C12orf54: variants seen among roughly 807,000 people sequenced by gnomAD.
The protein encoded by C12orf54 is chromosome 12 open reading frame 54.
A neutral mutation model predicts 26.4 loss-of-function variants in C12orf54; 24 were observed. That is an observed-to-expected ratio of 0.91 (90% CI 0.66 to 1.28). C12orf54 has a LOEUF of 1.28. Ranked by LOEUF, C12orf54 falls within the 50% of genes most tolerant of loss-of-function variation. The pLI is 0.00. For missense variants in C12orf54, 154 were observed against 150.9 expected (o/e 1.02, Z -0.11); for synonymous variants, 54 against 47.0 (o/e 1.15, Z -0.61).
At chr12:48,475,058 G>A in the C12orf54 span, among the ~76,000 whole-genome samples, 1 of 152,178 alleles carries the variant, frequency 6.6e-6, no homozygotes, top group Admixed American at 6.6e-5. Context: ...ACTTCCAGAG[G>A]AACAATCAGG....
At chr12:48,455,982 G>A in the C12orf54 span, among the ~76,000 whole-genome samples, 4 of 152,240 alleles carry the variant, frequency 2.6e-5, no homozygotes, top group Non-Finnish European at 4.4e-5. Flanking sequence ...TGTGCCATAC[G>A]CTATTTTAAG....
At chr12:48,428,109 A>T in the C12orf54 span, among the ~76,000 whole-genome samples, 196 of 152,216 alleles carry the variant, frequency 1.3e-3, 1 homozygote, top group African/African-American at 4.5e-3. Flanking sequence ...AAATTTAAAA[A>T]TTCTTCGAAC....
chr12:48,491,107 C>G (rs1276689743), intron 6 of C12orf54, among the ~76,000 whole-genome samples: 3 of 152,208 alleles, frequency 2.0e-5, no homozygotes, highest in Non-Finnish European at 4.4e-5. Flanking sequence ...AGCTCAATTG[C>G]CTCGTGTCTG....
chr12:48,490,982 C>A, intron 6 of C12orf54, 146 bp downstream of exon 6: 2 of 978,534 alleles, frequency 2.0e-6, no homozygotes, highest in Non-Finnish European at 3.1e-6. Context: ...ACCCTAGGAT[C>A]TTCCATTTAG....
Position 48,488,946 on chromosome 12 carries a change from T to C in C12orf54, c.158T>C (p.Ile53Thr). The C allele has an allele frequency of 6.2e-7, 1 of 1,611,298 alleles. No individual in the cohort carries two copies. Among genetic ancestry groups the C allele is most frequent in the East Asian group, 2.2e-5 (1 of 44,844 alleles). Residue 53 changes from isoleucine to threonine, a missense_variant, in exon 5 of 9, where the codon ATA (isoleucine) becomes ACA (threonine). By Grantham distance (89) the Ile-to-Thr change is moderately conservative (BLOSUM62 -1). Coordinates refer to ENST00000548364, the MANE Select transcript of C12orf54 (RefSeq NM_152319.4). ...CAGGTGCTGACAGTTTTTAAGGATA[T>C]ACAAAAGGAGGTGAGATTAGATTTT... ...WDQVLTVFKD[I>T]QKELQEDARI...
chr12:48,492,213 T>A, intron 6 of C12orf54, among the ~76,000 whole-genome samples: 1 of 152,132 alleles, frequency 6.6e-6, no homozygotes, highest in Non-Finnish European at 1.5e-5. Flanking sequence ...GGTACAAATC[T>A]TCTTGGGGAT....
the C12orf54 span, chr12:48,472,582 G>T: frequency 6.5e-7 from 1 of 1,539,578 alleles, no homozygotes; most frequent in Middle Eastern, 1.7e-4. Context: ...AGCTGGTTGA[G>T]CTTTCAAATG....
chr12:48,473,620 C>G, the C12orf54 span: 2 of 260,492 alleles, frequency 7.7e-6, no homozygotes, highest in South Asian at 9.4e-5. Context: ...TACTGCCACT[C>G]TTTATTTTTT....
chr12:48,448,965 G>A, the C12orf54 span, among the ~76,000 whole-genome samples: 1 of 152,172 alleles, frequency 6.6e-6, no homozygotes, highest in East Asian at 1.9e-4. Flanking sequence ...GTCCAGAAAG[G>A]TAGAACAACT....
At chr12:48,414,600 A>C in the C12orf54 span, among the ~76,000 whole-genome samples, 8 of 151,916 alleles carry the variant, frequency 5.3e-5, no homozygotes, top group East Asian at 7.7e-4. Context: ...GACTTTCTTC[A>C]TTTTTTCTAG....
rs762482326 is a variant in C12orf54 at position 48,486,163 on chromosome 12, ATTCT to A, written c.66-8_66-5del. 5 of 1,606,594 alleles carry A rather than the reference ATTCT, an allele frequency of 3.1e-6. No homozygotes were observed. In the African/African-American group the frequency reaches 6.7e-5, roughly 21 times the overall value. The stretch of plus-strand genomic sequence containing the variant: ...CTGTGCTCCTCATCAGGTTTATATC[ATTCT>A]TTCTTTGCAGCACATCCATAGAAGA... On this transcript the variant is annotated splice_polypyrimidine_tract_variant and intron_variant, in intron 2 of 8. Coordinates refer to ENST00000548364, the MANE Select transcript of C12orf54 (RefSeq NM_152319.4).
chr12:48,430,666 G>A, the C12orf54 span, among the ~76,000 whole-genome samples: 4 of 152,108 alleles, frequency 2.6e-5, no homozygotes, highest in Non-Finnish European at 4.4e-5. Flanking sequence ...TGGCGTGAAC[G>A]TGGTGATCAG....
chr12:48,473,408 T>A, the C12orf54 span: 1 of 760,706 alleles, frequency 1.3e-6, no homozygotes, highest in Admixed American at 2.2e-5. Context: ...GAGAAGACGA[T>A]GCCTAAGTGG....
At chr12:48,436,448 C>G in the C12orf54 span, among the ~76,000 whole-genome samples, 42 of 152,246 alleles carry the variant, frequency 2.8e-4, no homozygotes, top group East Asian at 7.9e-3. Context: ...CAAATCAACA[C>G]AATATACATT....
the C12orf54 span, among the ~76,000 whole-genome samples, chr12:48,457,735 C>A: frequency 2.0e-5 from 3 of 152,200 alleles, no homozygotes; most frequent in Non-Finnish European, 2.9e-5. Flanking sequence ...CTCCAGTCTG[C>A]TGCCTCCTTG....
At chr12:48,474,621 G>A in the C12orf54 span, among the ~76,000 whole-genome samples, 48 of 152,316 alleles carry the variant, frequency 3.2e-4, no homozygotes, top group South Asian at 7.9e-3. Context: ...AGGGTCCTAC[G>A]CCCACAGAGT....
chr12:48,471,802 C>T, the C12orf54 span, among the ~76,000 whole-genome samples: 1 of 152,082 alleles, frequency 6.6e-6, no homozygotes, highest in South Asian at 2.1e-4. Context: ...GTTCTTTTTA[C>T]TTGGGGCTAC....
the C12orf54 span, among the ~76,000 whole-genome samples, chr12:48,431,167 AT>A: frequency 6.6e-6 from 1 of 152,158 alleles, no homozygotes; most frequent in Non-Finnish European, 1.5e-5. Context: ...TGGGGGAGGG[AT>A]AAAAGACTAC....
chr12:48,413,945 C>G, the C12orf54 span, among the ~76,000 whole-genome samples: 5 of 152,162 alleles, frequency 3.3e-5, no homozygotes, highest in Admixed American at 3.3e-4. Context: ...CAGGATTGCT[C>G]CTCCTTGGCT....
Sources: gnomAD v4.1 joint callset for allele counts (sites outside exome capture counted in the v4.1 genomes callset) on GRCh38, gnomAD v4.1.1 for gene constraint, MANE v1.5 for transcripts, NCBI Gene and HGNC (gene_info 2026-07-23, HGNC 2026-07-21) for gene names.